Variants in POU2F3 observed in about 807,000 individuals in gnomAD.
POU2F3 encodes the protein POU class 2 homeobox 3, also known as POU domain, class 2, transcription factor 3.
In POU2F3, 23 loss-of-function variants were observed where a neutral mutation model predicts 59.2. The observed-to-expected ratio is 0.39, with a 90% CI of 0.28 to 0.55. POU2F3 has a LOEUF of 0.55. POU2F3 is among the 20% of genes least tolerant of loss of function. The pLI is 0.66. For missense variants in POU2F3, 473 were observed against 544.5 expected (o/e 0.87, Z 1.31); for synonymous variants, 190 against 214.6 (o/e 0.89, Z 1.00).
chr11:120,316,691 T>C (rs1941796519), intron 11 of POU2F3, among the ~76,000 whole-genome samples: 2 of 152,178 alleles, frequency 1.3e-5, no homozygotes, highest in South Asian at 4.1e-4. Context: ...CTCCCAAAAG[T>C]GTTGGGCTAC....
At chr11:120,251,866 CTCA>C (rs1939116905) in intron 2 of POU2F3, among the ~76,000 whole-genome samples, 1 of 146,024 alleles carries the variant, frequency 6.8e-6, no homozygotes, top group Non-Finnish European at 1.5e-5. Flanking sequence ...ATGATCTCAG[CTCA>C]CTGCAACCTC....
intron 9 of POU2F3, among the ~76,000 whole-genome samples, chr11:120,308,260 G>A (rs1941555193): frequency 6.6e-6 from 1 of 152,186 alleles, no homozygotes; most frequent in Admixed American, 6.5e-5. Context: ...AGAAACAGAT[G>A]TGGCCTAGCC....
chr11:120,318,392 A>T lies in POU2F3; in HGVS notation c.1311A>T (p.Ter437CysextTer60). The change falls in exon 13 of 13, where the codon TGA becomes TGT. Residue 437 changes from the stop codon to cysteine, a stop_lost. Coordinates refer to ENST00000543440, the MANE Select transcript of POU2F3 (RefSeq NM_014352.4). ...YRWNHSTYLH[*>C] ...GGAATCATTCCACCTACCTCCACTG[A>T]GACCAAAAAGTTTCTCCTACTCCAG... 6.2e-7 allele frequency: 1 copy of T among 1,600,776 alleles called. No homozygotes were observed. The highest frequency in any genetic ancestry group is 8.6e-7 in the Non-Finnish European group (1 of 1,167,754).
chr11:120,273,976 C>T (rs2135208903), intron 3 of POU2F3, among the ~76,000 whole-genome samples: 1 of 151,240 alleles, frequency 6.6e-6, no homozygotes, highest in African/African-American at 2.4e-5. Context: ...TGAGATCATG[C>T]CACTGCACTC....
upstream of POU2F3, among the ~76,000 whole-genome samples, chr11:120,237,924 G>A (rs948347759): frequency 3.9e-5 from 6 of 152,154 alleles, no homozygotes; most frequent in African/African-American, 1.2e-4. Context: ...AGCCCTTGCT[G>A]GTCTCTTTCC....
chr11:120,278,452 C>G (rs1245629323), intron 3 of POU2F3, among the ~76,000 whole-genome samples: 1 of 152,178 alleles, frequency 6.6e-6, no homozygotes, highest in Non-Finnish European at 1.5e-5. Flanking sequence ...AGTCACTTCT[C>G]TTACCAGGAG....
At chr11:120,306,203 G>A (rs1163898787) in intron 8 of POU2F3, among the ~76,000 whole-genome samples, 4 of 152,144 alleles carry the variant, frequency 2.6e-5, no homozygotes, top group Admixed American at 1.3e-4. Flanking sequence ...CCACAGGCAC[G>A]ACACAGGGTC....
intron 2 of POU2F3, chr11:120,256,936 T>A (rs1327735981): frequency 6.6e-6 from 1 of 152,228 alleles, no homozygotes; most frequent in Non-Finnish European, 1.5e-5. Flanking sequence ...CTCAGTGATT[T>A]ATTAATCAGT....
chr11:120,253,938 A>T (rs1591378659), intron 2 of POU2F3, among the ~76,000 whole-genome samples: 1 of 152,168 alleles, frequency 6.6e-6, no homozygotes, highest in Non-Finnish European at 1.5e-5. Context: ...GGGAGGTCCC[A>T]GTCTGTCCTT....
Position 120,250,702 on chromosome 11 carries a change from G to A in POU2F3, c.97+4185G>A, listed in dbSNP as rs190951219. On this transcript the variant is annotated intron_variant, in intron 2 of 12. Coordinates refer to ENST00000543440, the MANE Select transcript of POU2F3 (RefSeq NM_014352.4). ...ATAAGACAATGGTAGCTGTCTGGGC[G>A]CGGTGGCTCATGCCTGTAATCCCAG... Among the ~76,000 whole-genome samples, 405 of 152,314 alleles carry A rather than the reference G, an allele frequency of 2.7e-3. 1 individual carries two copies. Among genetic ancestry groups the A allele is most frequent in the South Asian group, 8.3e-3 (40 of 4,822 alleles).
At position 120,315,340 on chromosome 11, in the gene POU2F3, C is replaced by G. The variant is rs969708035; in HGVS notation, c.1069-21C>G. On this transcript the variant is annotated intron_variant, in intron 10 of 12. Coordinates refer to ENST00000543440, the MANE Select transcript of POU2F3 (RefSeq NM_014352.4). The stretch of plus-strand genomic sequence containing the variant: ...AGAAGGGAGCAGAAATGGACATTTA[C>G]AAGCTTCTGTTGTTTTTCAGGTATC... 8 of 1,602,422 alleles carry G rather than the reference C, an allele frequency of 5.0e-6. No individual in the cohort carries two copies. The African/African-American group carries it at 1.1e-4, about 21-fold the overall frequency.
At chr11:120,247,633 A>G (rs963348274) in intron 2 of POU2F3, among the ~76,000 whole-genome samples, 3 of 152,384 alleles carry the variant, frequency 2.0e-5, no homozygotes, top group Non-Finnish European at 4.4e-5. Context: ...TTAGCAGAGT[A>G]TCTTTTACTA....
At chr11:120,274,896 A>G (rs907968969) in intron 3 of POU2F3, among the ~76,000 whole-genome samples, 6 of 152,220 alleles carry the variant, frequency 3.9e-5, no homozygotes, top group Admixed American at 6.5e-5. Context: ...ATGCTCACAA[A>G]GGAGAGATGT....
intron 3 of POU2F3, among the ~76,000 whole-genome samples, chr11:120,277,461 T>A (rs1037316188): frequency 6.6e-6 from 1 of 151,668 alleles, no homozygotes; most frequent in Non-Finnish European, 1.5e-5. Flanking sequence ...AAAACCCCTT[T>A]AATATCTTAG....
chr11:120,308,976 A>G (rs924345451), intron 9 of POU2F3, among the ~76,000 whole-genome samples: 5 of 142,676 alleles, frequency 3.5e-5, no homozygotes, highest in Non-Finnish European at 6.0e-5. Flanking sequence ...AAAAAAAAAA[A>G]GAAATGACAA....
intron 2 of POU2F3, among the ~76,000 whole-genome samples, chr11:120,268,937 T>C (rs534191182): frequency 6.6e-6 from 1 of 152,280 alleles, no homozygotes; most frequent in East Asian, 1.9e-4. Flanking sequence ...CATGGCCAGC[T>C]GTCCTCCCCA....
intron 1 of POU2F3, among the ~76,000 whole-genome samples, chr11:120,243,786 G>A (rs1196471566): frequency 1.3e-5 from 2 of 152,230 alleles, no homozygotes; most frequent in Non-Finnish European, 1.5e-5. Flanking sequence ...TGGGACTCAA[G>A]AAGAGGCTTG....
At chr11:120,260,056 C>T (rs1280473731) in intron 2 of POU2F3, among the ~76,000 whole-genome samples, 1 of 152,220 alleles carries the variant, frequency 6.6e-6, no homozygotes, top group Admixed American at 6.5e-5. Context: ...CACTAGAAGT[C>T]TTACTGGGTT....
intron 3 of POU2F3, among the ~76,000 whole-genome samples, chr11:120,294,092 G>A (rs2135269716): frequency 6.6e-6 from 1 of 152,266 alleles, no homozygotes; most frequent in South Asian, 2.1e-4. Flanking sequence ...CCTTGGAAGG[G>A]GCTCTCTCCT....
Sources: gnomAD v4.1 joint callset for allele counts (sites outside exome capture counted in the v4.1 genomes callset) on GRCh38, gnomAD v4.1.1 for gene constraint, MANE v1.5 for transcripts, NCBI Gene and HGNC (gene_info 2026-07-23, HGNC 2026-07-21) for gene names.